The following TUSC3 variants were observed in gnomAD, a reference collection of about 807,000 sequenced individuals.
TUSC3 encodes tumor suppressor candidate 3.
A neutral mutation model predicts 44.8 loss-of-function variants in TUSC3; 45 were observed. The observed-to-expected ratio is 1.00, with a 90% CI of 0.79 to 1.29. The LOEUF (loss-of-function observed/expected upper bound fraction) is 1.29, where lower values mean the gene tolerates loss of function less well. TUSC3 is among the 50% of genes most tolerant of loss of function. The pLI is 0.00. For synonymous variants in TUSC3, 212 were observed against 152.9 expected (o/e 1.39, Z -2.85); for missense variants, 519 against 437.9 (o/e 1.19, Z -1.65).
chr8:15,819,498 C>T, the TUSC3 span, among the ~76,000 whole-genome samples: 2 of 152,152 alleles, frequency 1.3e-5, no homozygotes, highest in Admixed American at 6.6e-5. Context: ...TTTCAGACCT[C>T]ATTTTTAACT....
At chr8:15,656,552 C>T (rs1267324727) in intron 3 of TUSC3, among the ~76,000 whole-genome samples, 1 of 152,310 alleles carries the variant, frequency 6.6e-6, no homozygotes, top group Non-Finnish European at 1.5e-5. Context: ...TCTGGGCACA[C>T]TGGGGCAAAG....
rs549675273 is a variant in TUSC3 at position 15,558,340 on chromosome 8, G to A, written c.138+17772G>A. Among the ~76,000 whole-genome samples the A allele has an allele frequency of 2.1e-4, 10 of 48,564 alleles. 2 individuals carry two copies. Among genetic ancestry groups the A allele is most frequent in the Non-Finnish European group, 4.4e-4 (7 of 16,012 alleles). The allele number at this position is 48,564 out of a possible 152,430, so 31.9% of individuals were successfully genotyped here. On this transcript the variant is annotated intron_variant, in intron 1 of 10. Coordinates refer to ENST00000503731, the MANE Select transcript of TUSC3 (RefSeq NM_006765.4). Reference sequence around the variant, plus strand: ...TTGCGTATATTGAACCAGCCTTGCCGTCCCAGGGATGAAGCCCACTTGATC... The same window carrying A: ...TTGCGTATATTGAACCAGCCTTGCCATCCCAGGGATGAAGCCCACTTGATC...
intron 6 of TUSC3, among the ~76,000 whole-genome samples, chr8:15,729,604 A>T (rs1161724919): frequency 6.6e-6 from 1 of 152,166 alleles, no homozygotes; most frequent in African/African-American, 2.4e-5. Context: ...AAGCAAATTA[A>T]TGCAGTAACA....
At chr8:15,567,839 G>T (rs1019869748) in intron 1 of TUSC3, among the ~76,000 whole-genome samples, 1 of 152,098 alleles carries the variant, frequency 6.6e-6, no homozygotes, top group Non-Finnish European at 1.5e-5. Context: ...GGCATATGCC[G>T]AACTAAAAAG....
At chr8:15,461,417 G>C (rs1186631610) in intron 1 of TUSC3, among the ~76,000 whole-genome samples, 2 of 152,078 alleles carry the variant, frequency 1.3e-5, no homozygotes, top group African/African-American at 2.4e-5. Flanking sequence ...TCTTTTATCA[G>C]TTCTAGGGGC....
intron 6 of TUSC3, among the ~76,000 whole-genome samples, chr8:15,726,691 A>G (rs1255881923): frequency 6.6e-6 from 1 of 152,140 alleles, no homozygotes; most frequent in Non-Finnish European, 1.5e-5. Context: ...CTGTAATCCC[A>G]GCTACTCTCG....
chr8:15,720,201 T>C (rs2721242), intron 6 of TUSC3, among the ~76,000 whole-genome samples: 7,609 of 141,598 alleles, frequency 0.054, 233 homozygotes, highest in East Asian at 0.085. Flanking sequence ...TATATATATA[T>C]ACACACACAC....
the TUSC3 span, among the ~76,000 whole-genome samples, chr8:15,813,687 TCAA>T: frequency 1.3e-5 from 2 of 152,202 alleles, no homozygotes; most frequent in African/African-American, 2.4e-5. Flanking sequence ...TCATTTTAAC[TCAA>T]CAAGTTTGCA....
the TUSC3 span, among the ~76,000 whole-genome samples, chr8:15,845,213 T>C: frequency 6.6e-6 from 1 of 152,138 alleles, no homozygotes; most frequent in African/African-American, 2.4e-5. Context: ...GTAAGTCTAA[T>C]CAGATGTGGG....
chr8:15,786,513 C>A, the TUSC3 span, among the ~76,000 whole-genome samples: 1 of 152,162 alleles, frequency 6.6e-6, no homozygotes, highest in Non-Finnish European at 1.5e-5. Context: ...GCAATCATTT[C>A]TTCTCTTTTA....
the TUSC3 span, among the ~76,000 whole-genome samples, chr8:15,833,920 G>A: frequency 6.6e-6 from 1 of 151,760 alleles, no homozygotes; most frequent in Non-Finnish European, 1.5e-5. Context: ...TATAGAGAAC[G>A]TTTACTGATC....
chr8:15,434,623 T>G (rs1461330910), intron 1 of TUSC3, among the ~76,000 whole-genome samples: 1 of 151,618 alleles, frequency 6.6e-6, no homozygotes, highest in Non-Finnish European at 1.5e-5. Flanking sequence ...GCTGGTGTGC[T>G]GCACCCATTA....
At chr8:15,436,204 C>T (rs113994454) in intron 1 of TUSC3, among the ~76,000 whole-genome samples, 1,895 of 152,260 alleles carry the variant, frequency 0.012, 30 homozygotes, top group African/African-American at 0.038. Flanking sequence ...GCAGAAGCCA[C>T]GTTGCCTAAG....
chr8:15,651,012 C>A, intron 3 of TUSC3, 198 bp downstream of exon 3: 16 of 531,746 alleles, frequency 3.0e-5, no homozygotes, highest in South Asian at 8.1e-5. Flanking sequence ...CACACACACA[C>A]ACACACACAC....
At position 15,422,753 on chromosome 8, in the gene TUSC3, C is replaced by A. The variant is rs565182200; in HGVS notation, n.91+5448C>A. Reference sequence around the variant, plus strand: ...TGTAGCTTCAATTCCCCCAGGCGCCCCACCTCAGCCTCCCAGGTAATTAAG... The same window carrying A: ...TGTAGCTTCAATTCCCCCAGGCGCCACACCTCAGCCTCCCAGGTAATTAAG... On this transcript the variant is annotated intron_variant and non_coding_transcript_variant, in intron 1 of 5. Coordinates refer to the TUSC3 transcript ENST00000503191. Among the ~76,000 whole-genome samples the A allele has an allele frequency of 2.6e-5, 4 of 152,084 alleles. No homozygotes were observed. In the South Asian group the frequency reaches 8.3e-4, roughly 32 times the overall value.
chr8:15,629,582 CT>C (rs1174501037), intron 2 of TUSC3, among the ~76,000 whole-genome samples: 1 of 134,762 alleles, frequency 7.4e-6, no homozygotes, highest in Non-Finnish European at 1.5e-5. Context: ...ACGTGAATTA[CT>C]CCTCCTGGGT....
At chr8:15,440,631 T>C (rs1382821272) in intron 1 of TUSC3, among the ~76,000 whole-genome samples, 2 of 152,204 alleles carry the variant, frequency 1.3e-5, no homozygotes, top group East Asian at 1.9e-4. Flanking sequence ...AGCATTCTTT[T>C]ATTGATTGCA....
chr8:15,563,685 C>CAAATAAAAAAA (rs1802561799), intron 1 of TUSC3, among the ~76,000 whole-genome samples: 1 of 79,974 alleles, frequency 1.3e-5, no homozygotes, highest in Non-Finnish European at 2.2e-5. Flanking sequence ...GCCTCCATCT[C>CAAATAAAAAAA]AAAAAAAAAA....
chr8:15,552,386 A>G (rs1315853327), intron 1 of TUSC3, among the ~76,000 whole-genome samples: 8 of 151,896 alleles, frequency 5.3e-5, no homozygotes, highest in African/African-American at 1.9e-4. Context: ...TGTCCCGGAT[A>G]TATCCTACTG....
Sources: gnomAD v4.1 joint callset for allele counts (sites outside exome capture counted in the v4.1 genomes callset) on GRCh38, gnomAD v4.1.1 for gene constraint, MANE v1.5 for transcripts, NCBI Gene and HGNC (gene_info 2026-07-23, HGNC 2026-07-21) for gene names.